The following DIS3L2 variants were observed in gnomAD, a reference collection of about 807,000 sequenced individuals.
DIS3L2 encodes the protein DIS3 like 3'-5' exoribonuclease 2.
Under a neutral mutation model 97.5 loss-of-function variants are expected in DIS3L2, and 34 were observed. That is an observed-to-expected ratio of 0.35 (90% CI 0.27 to 0.46). DIS3L2 has a LOEUF of 0.46. DIS3L2 is among the 20% of genes least tolerant of loss of function. The pLI is 1.00. For synonymous variants in DIS3L2, 435 were observed against 445.2 expected, an observed-to-expected ratio of 0.98 and a Z score of 0.29; for missense variants, 1,038 against 1,146.0, an observed-to-expected ratio of 0.91 and a Z score of 1.36.
At chr2:232,188,156 G>A (rs946146152) in intron 9 of DIS3L2, among the ~76,000 whole-genome samples, 36 of 152,040 alleles carry the variant, frequency 2.4e-4, no homozygotes, top group Admixed American at 1.3e-4. Flanking sequence ...AAGTGGAGGG[G>A]GAGGGAGGGA....
At chr2:232,155,444 G>A (rs1448884784) in intron 8 of DIS3L2, among the ~76,000 whole-genome samples, 1 of 152,082 alleles carries the variant, frequency 6.6e-6, no homozygotes, top group Non-Finnish European at 1.5e-5. Flanking sequence ...TTTTCAGAAA[G>A]GGCTTATGAG....
At chr2:232,191,834 G>A (rs538553472) in intron 9 of DIS3L2, among the ~76,000 whole-genome samples, 1 of 152,176 alleles carries the variant, frequency 6.6e-6, no homozygotes, top group African/African-American at 2.4e-5. Flanking sequence ...TACTTTAAAT[G>A]TGTGTTCAGT....
chr2:232,014,808 C>T (rs1694306698), intron 1 of DIS3L2, 27 bp from the exon 2 acceptor site: 1 of 1,095,738 alleles, frequency 9.1e-7, no homozygotes, highest in African/African-American at 1.6e-5. Flanking sequence ...AACCGCTCTC[C>T]AATTACCAAT....
intron 8 of DIS3L2, among the ~76,000 whole-genome samples, chr2:232,156,857 T>C (rs1690509000): frequency 6.6e-6 from 1 of 152,206 alleles, no homozygotes; most frequent in African/African-American, 2.4e-5. Flanking sequence ...CTCATTTTTA[T>C]ACTTCTCCCA....
chr2:232,074,572 T>G (rs1696127860), intron 5 of DIS3L2, among the ~76,000 whole-genome samples: 1 of 2,906 alleles, frequency 3.4e-4, no homozygotes, highest in African/African-American at 1.0e-3. Flanking sequence ...TCAAGGAACC[T>G]TTTTTTTTTT....
At chr2:232,008,295 T>A (rs927493407) in intron 1 of DIS3L2, among the ~76,000 whole-genome samples, 2 of 152,156 alleles carry the variant, frequency 1.3e-5, no homozygotes, top group South Asian at 2.1e-4. Context: ...CTGAAAGTGC[T>A]GGGATTACAG....
chr2:232,274,421 T>G (rs189574690), intron 13 of DIS3L2, among the ~76,000 whole-genome samples: 85 of 152,302 alleles, frequency 5.6e-4, no homozygotes, highest in African/African-American at 1.8e-3. Flanking sequence ...GACGTGGAAT[T>G]CTTTGACGTT....
At chr2:232,116,157 G>A (rs1303923440) in intron 6 of DIS3L2, among the ~76,000 whole-genome samples, 7 of 150,806 alleles carry the variant, frequency 4.6e-5, no homozygotes, top group Admixed American at 1.3e-4. Flanking sequence ...GGGCAACAGC[G>A]TGAGACTTGG....
At chr2:232,299,447 C>T (rs1309518335) in intron 13 of DIS3L2, among the ~76,000 whole-genome samples, 1 of 152,198 alleles carries the variant, frequency 6.6e-6, no homozygotes, top group Admixed American at 6.5e-5. Context: ...GATCTATCAG[C>T]GCCCAACTTC....
chr2:232,007,768 A>T (rs563023546), intron 1 of DIS3L2, among the ~76,000 whole-genome samples: 3 of 152,316 alleles, frequency 2.0e-5, no homozygotes, highest in African/African-American at 7.2e-5. Context: ...AAAAATATGA[A>T]CTATCTTATC....
chr2:232,094,778 C>G (rs78111748), intron 6 of DIS3L2, among the ~76,000 whole-genome samples: 15,761 of 149,408 alleles, frequency 0.11, 1,753 homozygotes, highest in East Asian at 0.5. Flanking sequence ...ATATTGGGGT[C>G]TATCTCTCTC....
chr2:232,211,447 C>A (rs1022816258), intron 10 of DIS3L2, among the ~76,000 whole-genome samples: 4 of 152,160 alleles, frequency 2.6e-5, no homozygotes, highest in African/African-American at 9.7e-5. Flanking sequence ...TGCCCAGCAC[C>A]CCCAATCCCT....
intron 5 of DIS3L2, among the ~76,000 whole-genome samples, chr2:232,036,498 C>T (rs1451386781): frequency 1.3e-5 from 2 of 152,072 alleles, no homozygotes; most frequent in Admixed American, 6.5e-5. Flanking sequence ...TTGTTATTAC[C>T]CACTTTCTGA....
chr2:232,339,137 C>A (rs1217193043), downstream of DIS3L2, among the ~76,000 whole-genome samples: 1 of 152,220 alleles, frequency 6.6e-6, no homozygotes, highest in East Asian at 1.9e-4. Flanking sequence ...TTTGCAGCCA[C>A]CCTCCTGGGG....
At chr2:232,211,287 G>A (rs1692184988) in intron 10 of DIS3L2, among the ~76,000 whole-genome samples, 1 of 150,474 alleles carries the variant, frequency 6.6e-6, no homozygotes, top group African/African-American at 2.5e-5. Context: ...TGAGACTACA[G>A]GTGTGTGCCA....
intron 9 of DIS3L2, among the ~76,000 whole-genome samples, chr2:232,201,250 A>G (rs773881204): frequency 6.6e-6 from 1 of 152,260 alleles, no homozygotes; most frequent in Non-Finnish European, 1.5e-5. Context: ...GAAGGTATGC[A>G]CATCATCACC....
intron 5 of DIS3L2, among the ~76,000 whole-genome samples, chr2:232,050,572 G>A (rs1695373906): frequency 6.6e-6 from 1 of 152,052 alleles, no homozygotes. Flanking sequence ...CACTGCACCC[G>A]GCCGGTTGTA....
At chr2:232,336,099 G>T (rs1340561944) in intron 20 of DIS3L2, 3 of 1,544,062 alleles carry the variant, frequency 1.9e-6, no homozygotes, top group Admixed American at 3.9e-5. Context: ...AGAGAGGAGG[G>T]GCTCTGCCTG....
chr2:232,115,612 A>G (rs570997237), intron 6 of DIS3L2, among the ~76,000 whole-genome samples: 17 of 151,842 alleles, frequency 1.1e-4, no homozygotes, highest in Non-Finnish European at 2.2e-4. Context: ...CGAGGGAGGG[A>G]GTTGATTGGA....
Sources: allele counts gnomAD v4.1 joint callset (sites outside exome capture counted in the v4.1 genomes callset), GRCh38; gene constraint gnomAD v4.1.1; transcripts MANE v1.5; gene names NCBI Gene and HGNC (gene_info 2026-07-23, HGNC 2026-07-21).